The following ZNF83 variants were observed in gnomAD, a reference collection of about 807,000 sequenced individuals.
ZNF83 encodes zinc finger protein 83.
For synonymous variants in ZNF83, 209 were observed against 213.0 expected, an observed-to-expected ratio of 0.98 and a Z score of 0.17; for missense variants, 552 against 629.9, an observed-to-expected ratio of 0.88 and a Z score of 1.32.
At chr19:52,680,142 G>A (rs1246930030) in intron 1 of ZNF83, among the ~76,000 whole-genome samples, 1 of 152,124 alleles carries the variant, frequency 6.6e-6, no homozygotes, top group Admixed American at 6.6e-5. Context: ...TCACACCACT[G>A]CACTCCACCC....
intron 3 of ZNF83, among the ~76,000 whole-genome samples, chr19:52,653,679 A>T (rs1156863624): frequency 6.6e-6 from 1 of 152,166 alleles, no homozygotes; most frequent in Non-Finnish European, 1.5e-5. Context: ...GAAGTCTATG[A>T]TGGCGTGTAA....
At chr19:52,677,116 T>G (rs2061825441) in intron 1 of ZNF83, among the ~76,000 whole-genome samples, 2 of 78,080 alleles carry the variant, frequency 2.6e-5, no homozygotes, top group East Asian at 2.9e-4. Flanking sequence ...CACCCAAGAA[T>G]GATCAATTAA....
intron 1 of ZNF83, among the ~76,000 whole-genome samples, chr19:52,681,280 C>CAAAAA (rs56916405): frequency 0.025 from 1,890 of 75,286 alleles, 135 homozygotes; most frequent in African/African-American, 0.078. Flanking sequence ...GAGACTTTCT[C>CAAAAA]AAAAAAAAAA....
intron 1 of ZNF83, among the ~76,000 whole-genome samples, chr19:52,680,685 T>C (rs1358263158): frequency 7.5e-6 from 1 of 133,154 alleles, no homozygotes; most frequent in Non-Finnish European, 1.5e-5. Flanking sequence ...CGATCTCGGC[T>C]CACTGCAAGC....
chr19:52,686,808 C>T (rs10424802), intron 1 of ZNF83, among the ~76,000 whole-genome samples: 2 of 151,818 alleles, frequency 1.3e-5, no homozygotes, highest in Non-Finnish European at 2.9e-5. Context: ...CCTGACCTTA[C>T]GTGATTCTCT....
At chr19:52,635,359 C>CAA (rs2061112084) in intron 1 of ZNF83, 3 of 304,274 alleles carry the variant, frequency 9.9e-6, no homozygotes, top group African/African-American at 2.2e-5. Context: ...AGTCCACACA[C>CAA]GCTGCAGCAG....
intron 1 of ZNF83, among the ~76,000 whole-genome samples, chr19:52,681,235 A>G (rs2061912130): frequency 1.4e-5 from 2 of 141,062 alleles, no homozygotes; most frequent in South Asian, 4.7e-4. Flanking sequence ...GTGAGTTGAG[A>G]TCACACCACT....
chr19:52,619,655 T>C (rs1356830632), intron 2 of ZNF83, among the ~76,000 whole-genome samples: 1 of 151,770 alleles, frequency 6.6e-6, no homozygotes, highest in Non-Finnish European at 1.5e-5. Context: ...TAGAAACTTT[T>C]ATTGACACAC....
intron 2 of ZNF83, among the ~76,000 whole-genome samples, chr19:52,634,800 C>G (rs557993032): frequency 2.6e-5 from 4 of 152,114 alleles, no homozygotes; most frequent in Non-Finnish European, 5.9e-5. Context: ...ACTGACACCA[C>G]GGGACCCTCA....
chr19:52,681,188 G>A (rs1226369993), intron 1 of ZNF83, among the ~76,000 whole-genome samples: 9 of 147,228 alleles, frequency 6.1e-5, no homozygotes, highest in African/African-American at 2.2e-4. Context: ...AGGAAGCTGA[G>A]GTAGGAGAAT....
intron 2 of ZNF83, among the ~76,000 whole-genome samples, chr19:52,623,868 T>C (rs2060637312): frequency 6.6e-6 from 1 of 152,216 alleles, no homozygotes; most frequent in South Asian, 2.1e-4. Context: ...TGGTTCAGGA[T>C]CTGTGCCTTT....
chr19:52,623,645 A>G (rs2147113077), intron 2 of ZNF83, among the ~76,000 whole-genome samples: 1 of 152,094 alleles, frequency 6.6e-6, no homozygotes, highest in East Asian at 1.9e-4. Context: ...ACCCACAGGT[A>G]TGGGACACCT....
intron 2 of ZNF83, among the ~76,000 whole-genome samples, chr19:52,659,985 G>T (rs1418147905): frequency 1.3e-5 from 2 of 152,116 alleles, no homozygotes; most frequent in African/African-American, 2.4e-5. Flanking sequence ...GAGGTCAGGA[G>T]TTCGAGACCA....
At chr19:52,683,380 G>A (rs1340942646) in intron 1 of ZNF83, among the ~76,000 whole-genome samples, 3 of 152,122 alleles carry the variant, frequency 2.0e-5, no homozygotes, top group Non-Finnish European at 2.9e-5. Flanking sequence ...TCACTGTGCT[G>A]TTTGCACTCT....
At chr19:52,666,276 G>A (rs769967344) in intron 1 of ZNF83, among the ~76,000 whole-genome samples, 39 of 151,872 alleles carry the variant, frequency 2.6e-4, no homozygotes, top group Non-Finnish European at 4.6e-4. Flanking sequence ...TCAGAAAAGA[G>A]AGAGAGAGAG....
At chr19:52,629,615 G>T (rs961460640) in intron 2 of ZNF83, among the ~76,000 whole-genome samples, 8 of 152,060 alleles carry the variant, frequency 5.3e-5, no homozygotes, top group Non-Finnish European at 1.2e-4. Context: ...TAAAAAGGTG[G>T]CTGGAGCTAA....
At chr19:52,671,412 A>C (rs2061723317) in intron 1 of ZNF83, among the ~76,000 whole-genome samples, 1 of 152,180 alleles carries the variant, frequency 6.6e-6, no homozygotes, top group African/African-American at 2.4e-5. Context: ...CTTCTGAAAA[A>C]ATTAGAAAAT....
chr19:52,687,915 G>A (rs2062074664), intron 1 of ZNF83, among the ~76,000 whole-genome samples: 1 of 151,624 alleles, frequency 6.6e-6, no homozygotes, highest in Non-Finnish European at 1.5e-5. Context: ...CCCCACCCTG[G>A]GAAAAGGGAA....
At chr19:52,682,399 G>A (rs889801250) in intron 1 of ZNF83, among the ~76,000 whole-genome samples, 1 of 151,990 alleles carries the variant, frequency 6.6e-6, no homozygotes, top group Non-Finnish European at 1.5e-5. Flanking sequence ...AATTCTGGAA[G>A]TGGTGGCTCA....
Sources: allele counts gnomAD v4.1 joint callset (sites outside exome capture counted in the v4.1 genomes callset), GRCh38; gene constraint gnomAD v4.1.1; transcripts MANE v1.5; gene names NCBI Gene and HGNC (gene_info 2026-07-23, HGNC 2026-07-21).